The following PIK3C2G variants were observed in gnomAD, a reference collection of about 807,000 sequenced individuals.
The protein encoded by PIK3C2G is phosphatidylinositol 3-kinase C2 domain-containing subunit gamma.
PIK3C2G carries 168 observed loss-of-function variants against 181.1 expected under a neutral mutation model. The observed-to-expected ratio is 0.93, with a 90% CI of 0.82 to 1.05. The LOEUF (loss-of-function observed/expected upper bound fraction) is 1.05. PIK3C2G is among the 50% of genes least tolerant of loss of function. PIK3C2G has a pLI of 0.00. For synonymous variants in PIK3C2G, 573 were observed against 592.2 expected (o/e 0.97, Z 0.47); for missense variants, 1,869 against 1,732.8 (o/e 1.08, Z -1.40).
At chr12:18,661,352 A>C in the PIK3C2G span, among the ~76,000 whole-genome samples, 1 of 140,062 alleles carries the variant, frequency 7.1e-6, no homozygotes, top group South Asian at 2.5e-4. Context: ...AGACATTATA[A>C]TCCTACTGCC....
the PIK3C2G span, chr12:18,692,746 TCC>T: frequency 9.2e-7 from 1 of 1,089,832 alleles, no homozygotes; most frequent in Non-Finnish European, 1.4e-6. Context: ...TTAAAAGCTC[TCC>T]CAGGCCAAGG....
rs775413799 is a variant in PIK3C2G, at chr12:18,286,860, C to G, written c.692C>G (p.Ser231Cys). 3.4e-5 allele frequency: 53 copies of G among 1,546,918 alleles called. No homozygotes were observed. The highest frequency in any genetic ancestry group is 4.4e-5 in the Non-Finnish European group (50 of 1,140,892). ...WQKNIESIGC[S>C]IQLVEVPQSS... The stretch of plus-strand genomic sequence containing the variant: ...TTTTATTTTAAGTCAATAGGTTGTT[C>G]CATTCAGCTAGTGGAAGTACCTCAA... The change falls in exon 3 of 33, where the codon TCC (serine) becomes TGC (cysteine). Residue 231 changes from serine to cysteine, a missense_variant. By Grantham distance (112) the Ser-to-Cys change is moderately radical. Transcript: ENST00000538779.
At chr12:18,431,664 A>G (rs1565715523) in intron 18 of PIK3C2G, among the ~76,000 whole-genome samples, 1 of 152,210 alleles carries the variant, frequency 6.6e-6, no homozygotes, top group African/African-American at 2.4e-5. Context: ...TACAGCACAC[A>G]TGATACAGAA....
intron 18 of PIK3C2G, among the ~76,000 whole-genome samples, chr12:18,443,288 C>CTG (rs571495786): frequency 1.3e-5 from 2 of 151,620 alleles, no homozygotes; most frequent in African/African-American, 2.4e-5. Context: ...ATGGTGCTGT[C>CTG]TGTGTGTGTG....
At chr12:18,592,994 G>C (rs1234114607) in intron 29 of PIK3C2G, among the ~76,000 whole-genome samples, 2 of 151,938 alleles carry the variant, frequency 1.3e-5, no homozygotes, top group African/African-American at 4.8e-5. Context: ...GATGTCTGTA[G>C]GGTTGGTTCC....
chr12:18,641,743 CTTT>C (rs11285609), intron 32 of PIK3C2G, among the ~76,000 whole-genome samples: 3 of 93,164 alleles, frequency 3.2e-5, no homozygotes, highest in African/African-American at 4.9e-5. Context: ...CTCTCTCAAG[CTTT>C]TTTTTTTTTT....
intron 9 of PIK3C2G, among the ~76,000 whole-genome samples, chr12:18,340,722 G>T (rs939834443): frequency 1.4e-4 from 21 of 152,234 alleles, no homozygotes; most frequent in African/African-American, 5.1e-4. Flanking sequence ...TTTTCCTCAT[G>T]TTTAAAACAG....
chr12:18,309,127 T>C (rs925201953), intron 5 of PIK3C2G, among the ~76,000 whole-genome samples: 13 of 94,836 alleles, frequency 1.4e-4, no homozygotes, highest in Non-Finnish European at 2.2e-4. Context: ...AGATACAATG[T>C]GGAATATAAA....
chr12:18,393,971 C>T (rs542091250), intron 15 of PIK3C2G, among the ~76,000 whole-genome samples: 1 of 152,200 alleles, frequency 6.6e-6, no homozygotes, highest in East Asian at 1.9e-4. Context: ...GTATTGGAGT[C>T]TTCTTAAATA....
chr12:18,340,160 C>G (rs781466876), intron 9 of PIK3C2G, among the ~76,000 whole-genome samples: 1 of 152,040 alleles, frequency 6.6e-6, no homozygotes, highest in Non-Finnish European at 1.5e-5. Context: ...TTTTTCTATT[C>G]TGCTTCAGAG....
chr12:18,255,399 T>C (rs1948136204), intron 1 of PIK3C2G, among the ~76,000 whole-genome samples: 2 of 152,190 alleles, frequency 1.3e-5, no homozygotes, highest in South Asian at 2.1e-4. Context: ...GATCTAATTC[T>C]ATAACAAAAG....
intron 29 of PIK3C2G, among the ~76,000 whole-genome samples, chr12:18,591,884 G>T (rs1012744440): frequency 2.0e-5 from 3 of 151,880 alleles, no homozygotes; most frequent in Non-Finnish European, 4.4e-5. Flanking sequence ...GGAACTAGAT[G>T]ATATTAGTAT....
At chr12:18,356,856 G>T (rs1210979728) in intron 11 of PIK3C2G, among the ~76,000 whole-genome samples, 1 of 125,352 alleles carries the variant, frequency 8.0e-6, no homozygotes. Flanking sequence ...GGAGCCTGGG[G>T]TTTTTATGGT....
chr12:18,620,341 T>C (rs1187380367), intron 31 of PIK3C2G, among the ~76,000 whole-genome samples: 1 of 152,144 alleles, frequency 6.6e-6, no homozygotes. Flanking sequence ...TGAACATCTT[T>C]ATTTCTAGTA....
intron 1 of PIK3C2G, among the ~76,000 whole-genome samples, chr12:18,268,228 G>C (rs902165344): frequency 5.9e-5 from 9 of 152,094 alleles, no homozygotes; most frequent in African/African-American, 2.2e-4. Context: ...TGACTGAATG[G>C]ATGTGAGTCT....
At chr12:18,444,633 T>C (rs1946928223) in intron 18 of PIK3C2G, among the ~76,000 whole-genome samples, 1 of 152,162 alleles carries the variant, frequency 6.6e-6, no homozygotes, top group African/African-American at 2.4e-5. Context: ...CTGATGATGA[T>C]GACAAATAAC....
chr12:18,612,123 G>A (rs139569898), intron 31 of PIK3C2G, among the ~76,000 whole-genome samples: 87 of 152,136 alleles, frequency 5.7e-4, no homozygotes, highest in African/African-American at 1.8e-3. Flanking sequence ...CAGTCACTCC[G>A]TGCCAGCCTC....
chr12:18,405,734 G>T (rs527841866), intron 16 of PIK3C2G, among the ~76,000 whole-genome samples: 3 of 152,146 alleles, frequency 2.0e-5, no homozygotes, highest in African/African-American at 7.2e-5. Flanking sequence ...ATATCAATGA[G>T]AGCAGTTTTT....
In PIK3C2G at chr12:18,386,641, A is replaced by G. The variant is rs973231340; in HGVS notation, c.1996-4481A>G. 2.0e-5 allele frequency among the ~76,000 whole-genome samples: 3 copies of G among 152,158 alleles called. No individual in the cohort carries two copies. In the South Asian group the frequency reaches 6.2e-4, roughly 32 times the overall value. ...ATTCATTCCTTTTTCTATATTACAG[A>G]TACATTTTTATACAATAATATTACA... is the stretch of plus-strand genomic sequence containing the variant. On this transcript the variant is annotated intron_variant, in intron 14 of 32. Coordinates refer to ENST00000538779, the MANE Select transcript of PIK3C2G (RefSeq NM_001288772.2).
Sources: gnomAD v4.1 joint callset for allele counts (sites outside exome capture counted in the v4.1 genomes callset) on GRCh38, gnomAD v4.1.1 for gene constraint, MANE v1.5 for transcripts, NCBI Gene and HGNC (gene_info 2026-07-23, HGNC 2026-07-21) for gene names.